The following SPCS3 variants were observed in gnomAD, a reference collection of about 807,000 sequenced individuals.
SPCS3 encodes SPase 22 kDa subunit.
A neutral mutation model predicts 17.2 loss-of-function variants in SPCS3; 9 were observed. The observed-to-expected ratio is 0.52, with a 90% CI of 0.31 to 0.91. The LOEUF (loss-of-function observed/expected upper bound fraction) is 0.91, where lower values mean the gene tolerates loss of function less well. Among genes scored for constraint, SPCS3 ranks in the 40% least tolerant of loss-of-function variants. SPCS3 has a pLI of 0.04. For synonymous variants in SPCS3, 87 were observed against 89.6 expected, an observed-to-expected ratio of 0.97 and a Z score of 0.16; for missense variants, 139 against 217.5, an observed-to-expected ratio of 0.64 and a Z score of 2.27.
intron 2 of SPCS3, among the ~76,000 whole-genome samples, chr4:176,323,383 A>T (rs1731562750): frequency 6.6e-6 from 1 of 152,106 alleles, no homozygotes. Context: ...TGCTGCTACT[A>T]CTACTTGAAA....
At chr4:176,320,560 G>A (rs1731522765) in intron 1 of SPCS3, 1 of 158,118 alleles carries the variant, frequency 6.3e-6, no homozygotes, top group Admixed American at 6.5e-5. Flanking sequence ...CAGCAGAGCC[G>A]GCGCCGCCGC....
chr4:176,325,034 G>A (rs1731586352), intron 3 of SPCS3, among the ~76,000 whole-genome samples: 1 of 146,426 alleles, frequency 6.8e-6, no homozygotes, highest in Non-Finnish European at 1.5e-5. Context: ...CCACTCAGCT[G>A]TTTCCTTTTT....
chr4:176,320,505 C>T (rs1477122576), intron 1 of SPCS3: 3 of 193,636 alleles, frequency 1.5e-5, no homozygotes, highest in Non-Finnish European at 3.1e-5. Context: ...CTTCCTGTTC[C>T]TCACTTCCCT....
At position 176,320,167 on chromosome 4, in the gene SPCS3, G is replaced by A; in HGVS notation, c.91G>A (p.Ala31Thr). The A allele has an allele frequency of 1.3e-6, 2 of 1,583,238 alleles. No homozygotes were observed. Among genetic ancestry groups the A allele is most frequent in the Non-Finnish European group, 1.7e-6 (2 of 1,165,710 alleles). ...CACCTTCGGCTGCTTCATCACCACC[G>A]CCTTCAAAGACAGGAGCGTCCCGGT... The part of the protein sequence containing the change: ...ALTFGCFITT[A>T]FKDRSVPVRL... Residue 31 changes from alanine to threonine, a missense_variant, in exon 1 of 5, where the codon GCC (alanine) becomes ACC (threonine). Ala to Thr is a moderately conservative substitution (Grantham distance 58). Transcript: ENST00000503362.
intron 1 of SPCS3, chr4:176,320,609 C>T (rs957458571): frequency 8.4e-5 from 13 of 154,046 alleles, no homozygotes; most frequent in African/African-American, 2.9e-4. Context: ...CGGTGCCGCT[C>T]GTGGTCCGCA....
chr4:176,320,239 C>T lies in SPCS3; in HGVS notation c.143+20C>T, dbSNP rs1450420925. ...CATGCTGTGAGTGAGGCCGGGCCGG[C>T]GGTGCAGGACGCCGGGACCGGGCTG... is the stretch of plus-strand genomic sequence containing the variant. On this transcript the variant is annotated intron_variant, in intron 1 of 4. Coordinates refer to ENST00000503362, the MANE Select transcript of SPCS3 (RefSeq NM_021928.4). 2.0e-6 allele frequency: 3 copies of T among 1,524,774 alleles called. No individual in the cohort carries two copies. The highest frequency in any genetic ancestry group is 2.6e-6 in the Non-Finnish European group (3 of 1,134,924). The allele number at this position is 1,524,774 out of a possible 1,614,324, so 94.5% of individuals were successfully genotyped here. A position where few individuals can be genotyped will look rare whatever the true frequency, so the allele number is the denominator to read the frequency against.
rs917670530 is a variant in SPCS3 at position 176,319,979 on chromosome 4, G to C, written c.-98G>C. 397 of 1,335,814 alleles carry C rather than the reference G, an allele frequency of 3.0e-4. No homozygotes were observed. The highest frequency in any genetic ancestry group is 3.7e-4 in the Non-Finnish European group (384 of 1,030,390). 82.7% of individuals were successfully genotyped at this position (1,335,814 alleles called of 1,614,324 possible). A position where few individuals can be genotyped will look rare whatever the true frequency, so the allele number is the denominator to read the frequency against. On this transcript the variant is annotated 5_prime_UTR_variant, in exon 1 of 5. Coordinates refer to ENST00000503362, the MANE Select transcript of SPCS3 (RefSeq NM_021928.4). Reference sequence around the variant, plus strand: ...GCGGCGGCGCGCGCTCCCGGAACGCGCGCACCGCAGACGGCGCGGATCGCA... The same window carrying C: ...GCGGCGGCGCGCGCTCCCGGAACGCCCGCACCGCAGACGGCGCGGATCGCA...
At chr4:176,326,241 C>T (rs768232687) in intron 3 of SPCS3, among the ~76,000 whole-genome samples, 5 of 151,836 alleles carry the variant, frequency 3.3e-5, no homozygotes, top group East Asian at 1.9e-4. Flanking sequence ...GTGGAGGTTG[C>T]AGTGAGCTGA....
intron 3 of SPCS3, among the ~76,000 whole-genome samples, chr4:176,325,068 T>A (rs1226641610): frequency 4.0e-5 from 6 of 148,816 alleles, no homozygotes; most frequent in African/African-American, 1.3e-4. Context: ...TTTTTTTTTT[T>A]AAGACAGAGT....
Position 176,322,178 on chromosome 4 carries a change from TAGA to T in SPCS3, c.156_158del (p.Glu52del), listed in dbSNP as rs1560837245. ...TTTATCTTTATTCCTAGAAAAAATG[TAGA>T]AGATTTCACTGGACCTAGAGAAAGA... On this transcript the variant is annotated inframe_deletion, in exon 2 of 5. Transcript: ENST00000503362. 6.2e-7 allele frequency: 1 copy of T among 1,600,382 alleles called. No individual in the cohort carries two copies. Among genetic ancestry groups the T allele is most frequent in the Non-Finnish European group, 8.6e-7 (1 of 1,168,282 alleles).
chr4:176,330,381 T>G lies in SPCS3; in HGVS notation c.*2051T>G, dbSNP rs111465107. 6.6e-6 allele frequency: 1 copy of G among 152,202 alleles called. No homozygotes were observed. The highest frequency in any genetic ancestry group is 1.5e-5 in the Non-Finnish European group (1 of 68,026). 9.4% of individuals were successfully genotyped at this position (152,202 alleles called of 1,614,324 possible). A position where few individuals can be genotyped will look rare whatever the true frequency, so the allele number is the denominator to read the frequency against. ...AGTCTTAACCAGACCTGGTACCAGT[T>G]TAACAGTTCATGATACTTCTGTGAT... On this transcript the variant is annotated 3_prime_UTR_variant, in exon 5 of 5. Coordinates refer to ENST00000503362, the MANE Select transcript of SPCS3 (RefSeq NM_021928.4).
Position 176,320,124 on chromosome 4 carries a change from G to T in SPCS3, c.48G>T (p.Leu16=). 1 of 1,582,798 alleles carries T rather than the reference G, an allele frequency of 6.3e-7. No individual in the cohort carries two copies. Among genetic ancestry groups the T allele is most frequent in the Non-Finnish European group, 8.6e-7 (1 of 1,165,566 alleles). The change falls in exon 1 of 5, where the codon CTG becomes CTT. Residue 16 remains leucine, a synonymous_variant. Coordinates refer to ENST00000503362, the MANE Select transcript of SPCS3 (RefSeq NM_021928.4). ...CGAACTCACTGTTCGCCTTCTCGCT[G>T]AGCGTGATGGCGGCGCTCACCTTCG... ...SRANSLFAFS[L]SVMAALTFGC...
chr4:176,322,019 T>C, intron 1 of SPCS3, 151 bp from the exon 2 acceptor site: 1 of 493,542 alleles, frequency 2.0e-6, no homozygotes, highest in Admixed American at 3.9e-5. Flanking sequence ...TCTCCTGTTT[T>C]CACACTTACA....
intron 3 of SPCS3, among the ~76,000 whole-genome samples, chr4:176,324,801 C>T (rs185979184): frequency 6.6e-6 from 1 of 152,198 alleles, no homozygotes; most frequent in Non-Finnish European, 1.5e-5. Flanking sequence ...TGCTAATAAT[C>T]CATGCATATG....
intron 3 of SPCS3, among the ~76,000 whole-genome samples, chr4:176,325,994 T>C (rs1731601341): frequency 6.6e-6 from 1 of 152,178 alleles, no homozygotes; most frequent in African/African-American, 2.4e-5. Context: ...TGAATTATAA[T>C]TTGTGATTTA....
chr4:176,323,894 G>T (rs1731569887), intron 2 of SPCS3, among the ~76,000 whole-genome samples: 1 of 150,834 alleles, frequency 6.6e-6, no homozygotes, highest in Non-Finnish European at 1.5e-5. Flanking sequence ...CCAAATTTTG[G>T]ATTTGTTCTT....
Position 176,327,223 on chromosome 4 carries a change from T to C in SPCS3, c.356T>C (p.Leu119Pro). ...IVLRGDNPKL[L>P]LKDMKTKYFF... Reference sequence around the variant, plus strand: ...TTGAGAGGTGATAATCCGAAGCTGCTGCTGAAAGATATGAAAACAAAATAT... The same window carrying C: ...TTGAGAGGTGATAATCCGAAGCTGCCGCTGAAAGATATGAAAACAAAATAT... The change falls in exon 4 of 5, where the codon CTG (leucine) becomes CCG (proline). Residue 119 changes from leucine to proline, a missense_variant. Transcript: ENST00000503362. 6.3e-7 allele frequency: 1 copy of C among 1,599,628 alleles called. No individual in the cohort carries two copies. The highest frequency in any genetic ancestry group is 8.5e-7 in the Non-Finnish European group (1 of 1,173,190).
chr4:176,320,326 G>T, intron 1 of SPCS3, 107 bp downstream of exon 1: 3 of 1,077,726 alleles, frequency 2.8e-6, no homozygotes, highest in Non-Finnish European at 3.5e-6. Context: ...CGGGCAGGGC[G>T]TCCGGATCGC....
At chr4:176,323,793 GTTTATAC>G (rs1306350574) in intron 2 of SPCS3, among the ~76,000 whole-genome samples, 5 of 148,816 alleles carry the variant, frequency 3.4e-5, no homozygotes, top group Admixed American at 6.7e-5. Context: ...GGTGGTGATT[GTTTATAC>G]TTTAGAGCTC....
Sources: allele counts gnomAD v4.1 joint callset (sites outside exome capture counted in the v4.1 genomes callset), GRCh38; gene constraint gnomAD v4.1.1; transcripts MANE v1.5; gene names NCBI Gene and HGNC (gene_info 2026-07-23, HGNC 2026-07-21).